The following FNDC3A variants were observed in gnomAD, a reference collection of about 807,000 sequenced individuals.
FNDC3A encodes the protein fibronectin type III domain containing 3A.
Under a neutral mutation model 148.9 loss-of-function variants are expected in FNDC3A, and 32 were observed. The observed-to-expected ratio is 0.21, with a 90% confidence interval of 0.16 to 0.29. The LOEUF (loss-of-function observed/expected upper bound fraction) is 0.29. Among genes scored for constraint, FNDC3A ranks in the 10% least tolerant of loss-of-function variants. The pLI is 1.00. For missense variants in FNDC3A, 1,191 were observed against 1,452.8 expected (o/e 0.82, Z 2.93); for synonymous variants, 472 against 473.6 (o/e 1.00, Z 0.04).
chr13:48,978,081 AC>A (rs750011324), intron 1 of FNDC3A, among the ~76,000 whole-genome samples: 64 of 152,300 alleles, frequency 4.2e-4, no homozygotes, highest in African/African-American at 6.7e-4. Flanking sequence ...ATTAAAAAAA[AC>A]ATTCTAGGAT....
chr13:49,072,624 A>G (rs1877773663), intron 2 of FNDC3A, among the ~76,000 whole-genome samples: 1 of 152,118 alleles, frequency 6.6e-6, no homozygotes, highest in South Asian at 2.1e-4. Context: ...GTTCATGTGT[A>G]GAAACACTAC....
At chr13:49,003,624 C>T (rs1253231890) in intron 1 of FNDC3A, among the ~76,000 whole-genome samples, 1 of 151,888 alleles carries the variant, frequency 6.6e-6, no homozygotes, top group Non-Finnish European at 1.5e-5. Flanking sequence ...TTCTCTGTCC[C>T]AAGGTTATGA....
intron 4 of FNDC3A, among the ~76,000 whole-genome samples, chr13:49,127,962 A>G (rs887047515): frequency 1.3e-5 from 2 of 151,522 alleles, no homozygotes; most frequent in African/African-American, 2.4e-5. Flanking sequence ...GCTCACTGCA[A>G]CCTCTGCCTC....
intron 2 of FNDC3A, among the ~76,000 whole-genome samples, chr13:49,006,644 A>T (rs1263983986): frequency 6.6e-6 from 1 of 152,016 alleles, no homozygotes; most frequent in African/African-American, 2.4e-5. Flanking sequence ...TACATTATAT[A>T]ATAATGAAAC....
intron 14 of FNDC3A, among the ~76,000 whole-genome samples, chr13:49,184,497 G>A (rs530531300): frequency 2.0e-5 from 3 of 152,272 alleles, no homozygotes; most frequent in South Asian, 4.1e-4. Context: ...GATTGGATGC[G>A]GTTTAGAGAA....
At chr13:49,075,552 C>T (rs1878038253) in intron 3 of FNDC3A, among the ~76,000 whole-genome samples, 188 bp downstream of exon 3, 1 of 152,096 alleles carries the variant, frequency 6.6e-6, no homozygotes, top group African/African-American at 2.4e-5. Context: ...CCCTGGTTTC[C>T]TGATTATGTT....
intron 8 of FNDC3A, among the ~76,000 whole-genome samples, chr13:49,158,815 T>A (rs912640025): frequency 1.3e-5 from 2 of 152,202 alleles, no homozygotes; most frequent in Admixed American, 1.3e-4. Context: ...AAGGAAGGGA[T>A]CCAGTTTCAG....
chr13:49,108,475 A>C (rs558652592), intron 3 of FNDC3A, among the ~76,000 whole-genome samples: 2 of 152,270 alleles, frequency 1.3e-5, no homozygotes, highest in African/African-American at 4.8e-5. Context: ...CATGCTGGGG[A>C]AAGTTTTCTA....
At chr13:49,124,139 C>T (rs1197149412) in intron 4 of FNDC3A, among the ~76,000 whole-genome samples, 1 of 152,172 alleles carries the variant, frequency 6.6e-6, no homozygotes, top group African/African-American at 2.4e-5. Flanking sequence ...GGTGCATATA[C>T]ACCATGGAAT....
intron 3 of FNDC3A, among the ~76,000 whole-genome samples, chr13:49,089,141 G>A (rs370691581): frequency 1.3e-5 from 2 of 152,124 alleles, no homozygotes; most frequent in South Asian, 4.1e-4. Flanking sequence ...CAATGTAAAT[G>A]TACCTAATAT....
chr13:49,152,324 C>G (rs1400380056), intron 8 of FNDC3A, among the ~76,000 whole-genome samples: 1 of 152,120 alleles, frequency 6.6e-6, no homozygotes, highest in Non-Finnish European at 1.5e-5. Flanking sequence ...TCTCTGATGA[C>G]CAGTGATGAT....
At chr13:49,184,103 G>A (rs1885443192) in intron 14 of FNDC3A, among the ~76,000 whole-genome samples, 1 of 152,184 alleles carries the variant, frequency 6.6e-6, no homozygotes, top group African/African-American at 2.4e-5. Flanking sequence ...AAACAGATCT[G>A]AGTAACAAGG....
intron 1 of FNDC3A, among the ~76,000 whole-genome samples, chr13:48,983,792 T>TAG (rs1260740885): frequency 1.3e-5 from 2 of 152,144 alleles, no homozygotes; most frequent in Non-Finnish European, 2.9e-5. Context: ...CCAAATGTCA[T>TAG]AGAGTAATAA....
intron 14 of FNDC3A, among the ~76,000 whole-genome samples, chr13:49,183,707 A>G (rs1384176808): frequency 6.6e-6 from 1 of 152,246 alleles, no homozygotes; most frequent in Non-Finnish European, 1.5e-5. Context: ...GAGTAGAGTA[A>G]GAAAACATCC....
chr13:49,145,069 G>A (rs549759291), intron 7 of FNDC3A, among the ~76,000 whole-genome samples: 4 of 152,078 alleles, frequency 2.6e-5, no homozygotes, highest in African/African-American at 7.2e-5. Flanking sequence ...TCTTAAGTGT[G>A]TATATTTGTA....
intron 2 of FNDC3A, among the ~76,000 whole-genome samples, chr13:49,014,916 T>C (rs1174562982): frequency 1.1e-4 from 17 of 149,468 alleles, no homozygotes; most frequent in East Asian, 7.8e-4. Context: ...TGTAGATATG[T>C]GGCGTTATTT....
intron 1 of FNDC3A, among the ~76,000 whole-genome samples, chr13:48,994,272 A>G (rs1951979648): frequency 6.6e-6 from 1 of 152,228 alleles, no homozygotes; most frequent in South Asian, 2.1e-4. Flanking sequence ...TGGTACTTAG[A>G]TTAAAAGAGG....
chr13:49,136,313 T>C lies in FNDC3A; in HGVS notation c.491-19T>C, dbSNP rs201895066. 841 of 1,594,376 alleles carry C rather than the reference T, an allele frequency of 5.3e-4. 14 individuals are homozygous for C. The South Asian group carries it at 8.0e-3, about 15-fold the overall frequency. ...GGAGAAAGTGATCTTCTTAACATTT[T>C]GTTTTTATTGCCTCCTAGATGCTCA... On this transcript the variant is annotated intron_variant, in intron 5 of 25. Transcript: ENST00000492622.
intron 8 of FNDC3A, among the ~76,000 whole-genome samples, chr13:49,162,200 G>T (rs1884178145): frequency 6.6e-6 from 1 of 152,128 alleles, no homozygotes; most frequent in Non-Finnish European, 1.5e-5. Flanking sequence ...CCTGAAGAGT[G>T]TTTTCCAGCT....
Sources: gnomAD v4.1 joint callset for allele counts (sites outside exome capture counted in the v4.1 genomes callset) on GRCh38, gnomAD v4.1.1 for gene constraint, MANE v1.5 for transcripts, NCBI Gene and HGNC (gene_info 2026-07-23, HGNC 2026-07-21) for gene names.